The following ADAMTSL3 variants were observed in gnomAD, a reference collection of about 807,000 sequenced individuals.
ADAMTSL3 encodes the protein ADAMTS like 3.
Under a neutral mutation model 201.7 loss-of-function variants are expected in ADAMTSL3, and 128 were observed. The ratio of observed to expected loss-of-function variants is 0.63; its 90% CI spans 0.55 to 0.73. The LOEUF (loss-of-function observed/expected upper bound fraction) is 0.73. Among genes scored for constraint, ADAMTSL3 ranks in the 30% least tolerant of loss-of-function variants. ADAMTSL3 has a pLI of 0.00. For synonymous variants in ADAMTSL3, 738 were observed against 748.4 expected, an observed-to-expected ratio of 0.99 and a Z score of 0.23; for missense variants, 1,990 against 2,119.6, an observed-to-expected ratio of 0.94 and a Z score of 1.20.
chr15:83,669,287 A>G (rs931586860), intron 2 of ADAMTSL3, among the ~76,000 whole-genome samples: 1 of 151,700 alleles, frequency 6.6e-6, no homozygotes, highest in African/African-American at 2.4e-5. Context: ...CTGGGATTAC[A>G]GTTGTGCACC....
chr15:83,666,176 ATAT>A (rs973058502), intron 2 of ADAMTSL3, among the ~76,000 whole-genome samples: 17 of 152,180 alleles, frequency 1.1e-4, no homozygotes, highest in African/African-American at 2.4e-5. Context: ...AAAAAATTTA[ATAT>A]TATGAGGAGT....
At chr15:83,706,968 C>T (rs2061861625) in intron 3 of ADAMTSL3, among the ~76,000 whole-genome samples, 1 of 152,102 alleles carries the variant, frequency 6.6e-6, no homozygotes, top group Admixed American at 6.6e-5. Context: ...TGCGCCTGGC[C>T]AATCCTCTTT....
intron 10 of ADAMTSL3, among the ~76,000 whole-genome samples, chr15:83,888,777 G>T (rs1346660178): frequency 6.6e-6 from 1 of 152,100 alleles, no homozygotes; most frequent in African/African-American, 2.4e-5. Flanking sequence ...TCATTCTTGC[G>T]GTTTCGACCT....
At chr15:83,730,464 G>C (rs1162795909) in intron 3 of ADAMTSL3, among the ~76,000 whole-genome samples, 2 of 152,112 alleles carry the variant, frequency 1.3e-5, no homozygotes, top group African/African-American at 4.8e-5. Context: ...CCTCCTCGGA[G>C]TGGTGCTCAG....
intron 7 of ADAMTSL3, among the ~76,000 whole-genome samples, chr15:83,842,631 T>C (rs957118756): frequency 6.6e-6 from 1 of 152,206 alleles, no homozygotes; most frequent in Non-Finnish European, 1.5e-5. Context: ...AATCAGTCCG[T>C]CTGGGGATTG....
At chr15:83,796,464 T>A (rs983170144) in intron 4 of ADAMTSL3, among the ~76,000 whole-genome samples, 3 of 152,284 alleles carry the variant, frequency 2.0e-5, no homozygotes, top group Middle Eastern at 6.8e-3. Flanking sequence ...ATAAAAAATG[T>A]GTAAGACCTT....
intron 4 of ADAMTSL3, among the ~76,000 whole-genome samples, chr15:83,782,227 A>C (rs1019014437): frequency 5.9e-5 from 9 of 152,212 alleles, no homozygotes; most frequent in African/African-American, 2.2e-4. Flanking sequence ...CTGTAATCCC[A>C]GCACTTTGGG....
At chr15:83,935,874 C>A (rs950032888) in intron 17 of ADAMTSL3, among the ~76,000 whole-genome samples, 20 of 152,088 alleles carry the variant, frequency 1.3e-4, no homozygotes, top group South Asian at 1.2e-3. Flanking sequence ...TGAGTTAATA[C>A]ATATACTTTA....
chr15:83,754,517 GT>G (rs1460005025), intron 3 of ADAMTSL3, among the ~76,000 whole-genome samples: 1 of 152,108 alleles, frequency 6.6e-6, no homozygotes, highest in Non-Finnish European at 1.5e-5. Flanking sequence ...GTTAGATGTT[GT>G]TTTAAAAATC....
chr15:83,838,062 C>T lies in ADAMTSL3; in HGVS notation c.601-27C>T. The T allele has an allele frequency of 3.1e-6, 5 of 1,602,870 alleles. No homozygotes were observed. In the South Asian group the frequency reaches 5.7e-5, roughly 18 times the overall value. On this transcript the variant is annotated intron_variant, in intron 6 of 29. Coordinates refer to ENST00000286744, the MANE Select transcript of ADAMTSL3 (RefSeq NM_207517.3). ...CTCCCCCTCCCCTGGCTTTGGGCAC[C>T]ACTGACTGCCATGCTTCTGTTGGCA...
intron 3 of ADAMTSL3, among the ~76,000 whole-genome samples, chr15:83,763,689 T>C (rs1373697159): frequency 6.6e-6 from 1 of 152,054 alleles, no homozygotes; most frequent in South Asian, 2.1e-4. Flanking sequence ...GTATATTTAG[T>C]AGAGACGAGG....
At chr15:83,895,609 C>T (rs992499831) in intron 13 of ADAMTSL3, among the ~76,000 whole-genome samples, 2 of 152,126 alleles carry the variant, frequency 1.3e-5, no homozygotes, top group Non-Finnish European at 2.9e-5. Flanking sequence ...CCGTTGTAAA[C>T]AGTGACAGTG....
intron 17 of ADAMTSL3, among the ~76,000 whole-genome samples, chr15:83,929,745 CACACAGAGAG>C (rs1177980451): frequency 2.6e-5 from 4 of 151,074 alleles, no homozygotes; most frequent in African/African-American, 9.7e-5. Context: ...GACACACACA[CACACAGAGAG>C]ACAGAGAGAG....
intron 16 of ADAMTSL3, among the ~76,000 whole-genome samples, chr15:83,917,760 CTT>C (rs1359088346): frequency 6.6e-6 from 1 of 151,954 alleles, no homozygotes; most frequent in Non-Finnish European, 1.5e-5. Flanking sequence ...CTGCAACTCT[CTT>C]TGTTTCATTT....
At chr15:83,670,221 G>GCACTC (rs944681658) in intron 2 of ADAMTSL3, among the ~76,000 whole-genome samples, 6 of 124,748 alleles carry the variant, frequency 4.8e-5, no homozygotes, top group African/African-American at 1.9e-4. Flanking sequence ...TTGCGCCACT[G>GCACTC]CACTCCAGCC....
At chr15:83,763,435 TCTCA>T (rs1374744025) in intron 3 of ADAMTSL3, among the ~76,000 whole-genome samples, 1 of 150,436 alleles carries the variant, frequency 6.6e-6, no homozygotes, top group Non-Finnish European at 1.5e-5. Flanking sequence ...TGAGACAGGG[TCTCA>T]CTCTAGGCCT....
intron 2 of ADAMTSL3, among the ~76,000 whole-genome samples, chr15:83,682,382 G>A (rs2061487449): frequency 6.6e-6 from 1 of 152,232 alleles, no homozygotes; most frequent in Non-Finnish European, 1.5e-5. Context: ...AAGGTAGCAG[G>A]TAGGGGACTC....
chr15:83,764,377 T>C (rs2062858065), intron 3 of ADAMTSL3, among the ~76,000 whole-genome samples: 1 of 152,124 alleles, frequency 6.6e-6, no homozygotes, highest in South Asian at 2.1e-4. Flanking sequence ...AGATCCACTC[T>C]CCACCCTTCC....
intron 20 of ADAMTSL3, among the ~76,000 whole-genome samples, chr15:83,973,076 C>T (rs183379963): frequency 2.6e-5 from 4 of 152,274 alleles, no homozygotes; most frequent in Admixed American, 6.5e-5. Flanking sequence ...TTCTCTCCAA[C>T]GTTTCCTAAC....
Sources: gnomAD v4.1 joint callset for allele counts (sites outside exome capture counted in the v4.1 genomes callset) on GRCh38, gnomAD v4.1.1 for gene constraint, MANE v1.5 for transcripts, NCBI Gene and HGNC (gene_info 2026-07-23, HGNC 2026-07-21) for gene names.